Variants in PAQR5 observed in about 807,000 individuals in gnomAD.
PAQR5 encodes the protein membrane progestin receptor gamma.
In PAQR5, 20 loss-of-function variants were observed where a neutral mutation model predicts 34.5. The observed-to-expected ratio is 0.58, with a 90% CI of 0.41 to 0.84. The LOEUF (loss-of-function observed/expected upper bound fraction) is 0.84. Among genes scored for constraint, PAQR5 ranks in the 40% least tolerant of loss-of-function variants. PAQR5 has a pLI of 0.00. For missense variants in PAQR5, 378 were observed against 412.7 expected (o/e 0.92, Z 0.73); for synonymous variants, 131 against 155.6 (o/e 0.84, Z 1.18).
At chr15:69,327,806 A>C (rs2054288383) in intron 1 of PAQR5, among the ~76,000 whole-genome samples, 1 of 152,078 alleles carries the variant, frequency 6.6e-6, no homozygotes, top group South Asian at 2.1e-4. Flanking sequence ...GGATGCTTGA[A>C]TCCTTGGGAG....
At chr15:69,345,711 A>T (rs2054752151) in intron 2 of PAQR5, among the ~76,000 whole-genome samples, 1 of 152,128 alleles carries the variant, frequency 6.6e-6, no homozygotes, top group South Asian at 2.1e-4. Flanking sequence ...GCTATTTAAA[A>T]CTTATTTTAA....
intron 1 of PAQR5, among the ~76,000 whole-genome samples, chr15:69,322,766 A>G (rs867233680): frequency 0.23 from 5,966 of 25,570 alleles, 1,549 homozygotes; most frequent in East Asian, 0.35. Context: ...AAGAAGAAGA[A>G]GAAGAGGGAG....
intron 1 of PAQR5, among the ~76,000 whole-genome samples, 163 bp downstream of exon 1, chr15:69,299,219 C>T (rs1044454674): frequency 2.0e-5 from 3 of 152,164 alleles, no homozygotes; most frequent in Admixed American, 6.5e-5. Context: ...CGGGGCGGCC[C>T]TGATCCGGCG....
chr15:69,356,042 AC>A (rs2055068772), intron 2 of PAQR5, among the ~76,000 whole-genome samples: 1 of 152,190 alleles, frequency 6.6e-6, no homozygotes, highest in Non-Finnish European at 1.5e-5. Context: ...ACTTTGTATT[AC>A]CCCTTATTTT....
intron 3 of PAQR5, among the ~76,000 whole-genome samples, chr15:69,371,876 T>A (rs1380016712): frequency 6.6e-6 from 1 of 152,222 alleles, no homozygotes; most frequent in Admixed American, 6.5e-5. Context: ...AATTCAAAAT[T>A]GATGTTATTT....
intron 3 of PAQR5, among the ~76,000 whole-genome samples, chr15:69,361,496 C>A (rs1330816125): frequency 6.6e-6 from 1 of 152,196 alleles, no homozygotes; most frequent in African/African-American, 2.4e-5. Context: ...AAAGAACTGC[C>A]TGAAACCTGG....
intron 1 of PAQR5, among the ~76,000 whole-genome samples, chr15:69,305,413 GCAAGGAC>G (rs1391453155): frequency 6.6e-6 from 1 of 152,100 alleles, no homozygotes; most frequent in Non-Finnish European, 1.5e-5. Context: ...CGTGGGGTGT[GCAAGGAC>G]TTATGGGTGG....
At chr15:69,320,601 A>G (rs1044710100) in intron 1 of PAQR5, among the ~76,000 whole-genome samples, 3 of 152,218 alleles carry the variant, frequency 2.0e-5, no homozygotes, top group African/African-American at 7.2e-5. Context: ...AGGAAACCCA[A>G]ATATTTAATA....
intron 6 of PAQR5, chr15:69,391,284 G>A (rs962447314): frequency 6.4e-6 from 1 of 155,464 alleles, no homozygotes; most frequent in Non-Finnish European, 1.4e-5. Flanking sequence ...AGGGAGAGCA[G>A]GCAAGTTTCA....
intron 3 of PAQR5, among the ~76,000 whole-genome samples, chr15:69,363,796 C>T (rs188892383): frequency 4.6e-5 from 7 of 152,100 alleles, no homozygotes; most frequent in East Asian, 3.9e-4. Flanking sequence ...TCAAGTGATC[C>T]GCCTGCCTCA....
chr15:69,317,355 G>A (rs1379367845), intron 1 of PAQR5, among the ~76,000 whole-genome samples: 1 of 152,128 alleles, frequency 6.6e-6, no homozygotes, highest in Non-Finnish European at 1.5e-5. Flanking sequence ...TGGCTGTGGG[G>A]CCACTTACAA....
chr15:69,391,183 A>C (rs1022286756), intron 6 of PAQR5: 1 of 153,454 alleles, frequency 6.5e-6, no homozygotes, highest in Non-Finnish European at 1.5e-5. Context: ...GGCAGGTGAG[A>C]TATGCCCCAT....
At chr15:69,308,233 G>A (rs924148116) in intron 1 of PAQR5, among the ~76,000 whole-genome samples, 2 of 152,290 alleles carry the variant, frequency 1.3e-5, no homozygotes, top group Non-Finnish European at 2.9e-5. Context: ...CTGCATGCTT[G>A]GTTTGGGCAC....
rs923798078 is a variant in PAQR5 at position 69,404,025 on chromosome 15, G to A, written c.*203G>A. The A allele has an allele frequency of 1.7e-6, 1 of 571,448 alleles. No homozygotes were observed. The highest frequency in any genetic ancestry group is 2.5e-5 in the South Asian group (1 of 40,390). The allele number at this position is 571,448 out of a possible 1,614,324, so 35.4% of individuals were successfully genotyped here. On this transcript the variant is annotated 3_prime_UTR_variant, in exon 9 of 9. Transcript: ENST00000395407. Reference sequence around the variant, plus strand: ...TGATTCTGTGTGTGTGATTTTAAAAGGAGAATATGGTTCAAGCAAGTCCTT... The same window carrying A: ...TGATTCTGTGTGTGTGATTTTAAAAAGAGAATATGGTTCAAGCAAGTCCTT...
rs191835057 is a variant in PAQR5, at chr15:69,391,494, C to T, written c.512+1714C>T. On this transcript the variant is annotated intron_variant, in intron 6 of 8. Transcript: ENST00000395407. ...CTGCCGTGGATGAAGGGAGGTATAA[C>T]AGATATAGAACAGTAATAACCCTGC... 29 of 296,524 alleles carry T rather than the reference C, an allele frequency of 9.8e-5. 1 individual carries two copies. In the Admixed American group the frequency reaches 1.0e-3, roughly 11 times the overall value. The allele number at this position is 296,524 out of a possible 1,614,324, so 18.4% of individuals were successfully genotyped here.
intron 2 of PAQR5, among the ~76,000 whole-genome samples, chr15:69,359,747 T>C (rs987128171): frequency 6.6e-6 from 1 of 152,022 alleles, no homozygotes; most frequent in African/African-American, 2.4e-5. Context: ...CATAAGACAA[T>C]ATGAGGGGTG....
chr15:69,302,941 C>A (rs978008826), intron 1 of PAQR5, among the ~76,000 whole-genome samples: 7 of 152,222 alleles, frequency 4.6e-5, no homozygotes, highest in Admixed American at 2.6e-4. Context: ...CCTGCTTCTT[C>A]TTTGCTTCAT....
At chr15:69,320,398 A>C (rs1313922202) in intron 1 of PAQR5, among the ~76,000 whole-genome samples, 1 of 152,134 alleles carries the variant, frequency 6.6e-6, no homozygotes, top group Non-Finnish European at 1.5e-5. Context: ...CCTGGGCATT[A>C]GTATTTTTTA....
In PAQR5 at chr15:69,300,579, TTC is replaced by T. The variant is rs553624102; in HGVS notation, c.-277+1525_-277+1526del. 4.8e-5 allele frequency among the ~76,000 whole-genome samples: 4 copies of T among 82,878 alleles called. 1 individual carries two copies. The highest frequency in any genetic ancestry group is 6.8e-4 in the East Asian group (2 of 2,946). The allele number at this position is 82,878 out of a possible 152,430, so 54.4% of individuals were successfully genotyped here. ...TATGCTTTTCTTTCTTTCTCTTTCT[TTC>T]TTTCTTTCCTTCTTTCTTTCTTTCT... On this transcript the variant is annotated intron_variant, in intron 1 of 8. Transcript: ENST00000395407.
Sources: gnomAD v4.1 joint callset for allele counts (sites outside exome capture counted in the v4.1 genomes callset) on GRCh38, gnomAD v4.1.1 for gene constraint, MANE v1.5 for transcripts, NCBI Gene and HGNC (gene_info 2026-07-23, HGNC 2026-07-21) for gene names.